The following COP1 variants were observed in gnomAD, a reference collection of about 807,000 sequenced individuals.
COP1 encodes COP1 E3 ubiquitin ligase, also known as E3 ubiquitin-protein ligase COP1.
In COP1, 24 loss-of-function variants were observed where a neutral mutation model predicts 101.3. That is an observed-to-expected ratio of 0.24 (90% CI 0.17 to 0.33). The LOEUF is 0.33. Ranked by LOEUF, COP1 falls within the 10% of genes least tolerant of loss-of-function variation. The probability of loss-of-function intolerance (pLI) is 1.00; values close to 1 mark genes in which losing one functional copy is unlikely to be tolerated. For synonymous variants in COP1, 347 were observed against 341.9 expected, an observed-to-expected ratio of 1.01 and a Z score of -0.17; for missense variants, 663 against 906.2, an observed-to-expected ratio of 0.73 and a Z score of 3.45.
At chr1:175,978,812 G>C (rs1220897541) in intron 18 of COP1, among the ~76,000 whole-genome samples, 1 of 152,068 alleles carries the variant, frequency 6.6e-6, no homozygotes. Context: ...AAGAGAAGAA[G>C]CTTCTATGTT....
intron 1 of COP1, among the ~76,000 whole-genome samples, chr1:176,195,939 A>G (rs1322623073): frequency 6.6e-6 from 1 of 152,202 alleles, no homozygotes; most frequent in Non-Finnish European, 1.5e-5. Flanking sequence ...TACTATGTCC[A>G]CTACTTGGGT....
intron 5 of COP1, among the ~76,000 whole-genome samples, chr1:176,157,885 G>A (rs1051560835): frequency 6.6e-6 from 1 of 151,996 alleles, no homozygotes; most frequent in African/African-American, 2.4e-5. Flanking sequence ...AGATGAATAA[G>A]ATCAAATAAA....
At chr1:176,201,668 TC>T (rs1700270452) in intron 1 of COP1, among the ~76,000 whole-genome samples, 1 of 152,224 alleles carries the variant, frequency 6.6e-6, no homozygotes, top group Non-Finnish European at 1.5e-5. Context: ...TGTTTCATGA[TC>T]ATCTATTTTC....
At chr1:176,034,726 G>A (rs1669196559) in intron 14 of COP1, among the ~76,000 whole-genome samples, 1 of 152,220 alleles carries the variant, frequency 6.6e-6, no homozygotes, top group Non-Finnish European at 1.5e-5. Context: ...ACACAAAGCA[G>A]AGCAGCAAAT....
Position 176,057,367 on chromosome 1 carries a change from A to G in COP1, c.1278-11043T>C, listed in dbSNP as rs140900335. On this transcript the variant is annotated intron_variant, in intron 11 of 19. Coordinates refer to ENST00000367669, the MANE Select transcript of COP1 (RefSeq NM_022457.7). The stretch of plus-strand genomic sequence containing the variant: ...GATTCCCTCTCCCTCTCTTTCCACG[A>G]TCTCCCTCTGATGCCGAGCGGAAGC... Among the ~76,000 whole-genome samples the G allele has an allele frequency of 2.6e-3, 396 of 151,588 alleles. 2 individuals carry two copies. Among genetic ancestry groups the G allele is most frequent in the African/African-American group, 9.2e-3 (378 of 41,296 alleles).
chr1:175,956,691 A>G (rs1650690626), intron 18 of COP1, among the ~76,000 whole-genome samples: 1 of 152,194 alleles, frequency 6.6e-6, no homozygotes, highest in Admixed American at 6.6e-5. Context: ...TTGGTCAACG[A>G]TGGGTCACAT....
chr1:175,953,847 T>C (rs1234467927), intron 18 of COP1, among the ~76,000 whole-genome samples: 2 of 151,664 alleles, frequency 1.3e-5, no homozygotes, highest in Non-Finnish European at 2.9e-5. Flanking sequence ...AATTGACTCA[T>C]GTTTGGAACT....
chr1:176,129,694 C>G (rs1262855950), intron 8 of COP1, among the ~76,000 whole-genome samples: 1 of 151,778 alleles, frequency 6.6e-6, no homozygotes, highest in African/African-American at 2.4e-5. Flanking sequence ...ACTAAGTTAT[C>G]CGATGTTCTG....
intron 9 of COP1, 152 bp downstream of exon 9, chr1:176,116,472 T>C (rs1686204287): frequency 1.8e-6 from 1 of 543,540 alleles, no homozygotes; most frequent in Non-Finnish European, 3.3e-6. Flanking sequence ...GATTCTACCA[T>C]TATGCATAAG....
rs935033726 is a variant in COP1 at position 175,989,464 on chromosome 1, T to C, written c.1745A>G (p.Tyr582Cys). Reference protein sequence around the residue: ...AFGCADHCVHYYDLRNTKQPI... With the variant: ...AFGCADHCVHCYDLRNTKQPI... ...CTGTTTAGTGTTACGAAGATCATAG[T>C]AGTGGACACAGTGATCTAAAACAAA... The change falls in exon 16 of 20, where the codon TAC becomes TGC. Residue 582 changes from tyrosine (Y) to cysteine (C), a missense_variant. Physicochemically the swap from Tyr to Cys is radical, Grantham distance 194 (BLOSUM62 -2). Around this residue, in one of 4 missense-constraint regions of COP1, gnomAD observed 209 missense variants for 383.3 expected, o/e 0.55. Coordinates refer to ENST00000367669, the MANE Select transcript of COP1 (RefSeq NM_022457.7). The C allele has an allele frequency of 6.4e-7, 1 of 1,572,618 alleles. No individual in the cohort carries two copies. Among genetic ancestry groups the C allele is most frequent in the Non-Finnish European group, 8.8e-7 (1 of 1,142,384 alleles).
At chr1:176,023,130 T>A (rs184190816) in intron 15 of COP1, among the ~76,000 whole-genome samples, 11 of 152,206 alleles carry the variant, frequency 7.2e-5, no homozygotes, top group African/African-American at 2.6e-4. Flanking sequence ...AAATAACAGC[T>A]CTCCTGGCCT....
At chr1:176,021,340 T>C (rs897170397) in intron 15 of COP1, among the ~76,000 whole-genome samples, 7 of 152,186 alleles carry the variant, frequency 4.6e-5, no homozygotes, top group Non-Finnish European at 8.8e-5. Context: ...TACAGAATTA[T>C]TTCCTCTAAA....
Position 175,982,441 on chromosome 1 carries a change from C to A in COP1, c.2133+4502G>T, listed in dbSNP as rs530975456. ...CCCACTTCTTTCTCCTCCTTCTCAG[C>A]CTACTCCATGTGAAGATGAGGATGA... On this transcript the variant is annotated intron_variant, in intron 18 of 19. Coordinates refer to ENST00000367669, the MANE Select transcript of COP1 (RefSeq NM_022457.7). The A allele has an allele frequency of 2.9e-4, 133 of 455,876 alleles. 3 individuals carry two copies. Among genetic ancestry groups the A allele is most frequent in the African/African-American group, 2.4e-3 (121 of 50,176 alleles). 28.2% of individuals were successfully genotyped at this position (455,876 alleles called of 1,614,324 possible).
At chr1:176,068,721 T>C (rs954324732) in intron 11 of COP1, among the ~76,000 whole-genome samples, 8 of 152,212 alleles carry the variant, frequency 5.3e-5, no homozygotes, top group Non-Finnish European at 1.2e-4. Context: ...AAATTACTAG[T>C]TGCACTCTAA....
chr1:176,089,283 ACT>A (rs1680836718), intron 9 of COP1, among the ~76,000 whole-genome samples: 1 of 126,632 alleles, frequency 7.9e-6, no homozygotes, highest in African/African-American at 3.1e-5. Flanking sequence ...ACAGACTGAG[ACT>A]CTGTCTAAAA....
intron 18 of COP1, among the ~76,000 whole-genome samples, chr1:175,959,577 T>C (rs1449638144): frequency 6.6e-6 from 1 of 152,038 alleles, no homozygotes; most frequent in African/African-American, 2.4e-5. Flanking sequence ...AAATGAATAA[T>C]TAAAATTAAT....
At position 176,081,191 on chromosome 1, in the gene COP1, T is replaced by C; in HGVS notation, c.1238A>G (p.Tyr413Cys). The change falls in exon 11 of 20, where the codon TAT (tyrosine) becomes TGT (cysteine). Residue 413 changes from tyrosine to cysteine, a missense_variant. Tyr to Cys is a radical substitution (Grantham distance 194). Coordinates refer to ENST00000367669, the MANE Select transcript of COP1 (RefSeq NM_022457.7). ...NSVRPLATLS[Y>C]ASDLYNGSSI... ...GGAACCATTATAGAGATCACTAGCA[T>C]ATGACAATGTGGCTAAAGGTCGTAC... 6.2e-7 allele frequency: 1 copy of C among 1,610,720 alleles called. No individual in the cohort carries two copies. Among genetic ancestry groups the C allele is most frequent in the Non-Finnish European group, 8.5e-7 (1 of 1,178,024 alleles).
At chr1:175,977,809 C>A (rs1331401087) in intron 18 of COP1, among the ~76,000 whole-genome samples, 1 of 152,036 alleles carries the variant, frequency 6.6e-6, no homozygotes, top group Non-Finnish European at 1.5e-5. Flanking sequence ...TTATTAAATC[C>A]ATTTTATTCA....
intron 6 of COP1, among the ~76,000 whole-genome samples, chr1:176,140,209 C>T (rs1284300240): frequency 6.6e-6 from 1 of 152,044 alleles, no homozygotes; most frequent in African/African-American, 2.4e-5. Context: ...CATATGAAGG[C>T]TTCTATACAT....
Sources: gnomAD v4.1 joint callset for allele counts (sites outside exome capture counted in the v4.1 genomes callset) on GRCh38, gnomAD v4.1.1 for gene constraint, gnomAD v4.1.1 regional missense constraint, MANE v1.5 for transcripts, NCBI Gene and HGNC (gene_info 2026-07-23, HGNC 2026-07-21) for gene names.